Variants in TSPEAR observed in about 807,000 individuals in gnomAD.
TSPEAR encodes thrombospondin type laminin G domain and EAR repeats, also known as thrombospondin-type laminin G domain and EAR repeat-containing protein.
TSPEAR carries 69 observed loss-of-function variants against 71.6 expected under a neutral mutation model. The ratio of observed to expected loss-of-function variants is 0.96; its 90% CI spans 0.79 to 1.18. TSPEAR has a LOEUF of 1.18. Among genes scored for constraint, TSPEAR ranks in the 50% most tolerant of loss-of-function variants. The probability of loss-of-function intolerance (pLI) is 0.00; values close to 1 mark genes in which losing one functional copy is unlikely to be tolerated. For synonymous variants in TSPEAR, 402 were observed against 387.2 expected (o/e 1.04, Z -0.45); for missense variants, 971 against 894.9 (o/e 1.09, Z -1.09).
At chr21:44,671,390 A>C (rs782345543) in intron 1 of TSPEAR, among the ~76,000 whole-genome samples, 12 of 152,140 alleles carry the variant, frequency 7.9e-5, no homozygotes, top group Non-Finnish European at 1.8e-4. Context: ...GAGGCCCAAG[A>C]ATCAGCCTGC....
intron 2 of TSPEAR, among the ~76,000 whole-genome samples, chr21:44,565,863 T>C (rs1555921680): frequency 6.6e-6 from 1 of 152,188 alleles, no homozygotes; most frequent in African/African-American, 2.4e-5. Flanking sequence ...AGAAATTCAC[T>C]AAAAAGCTGC....
chr21:44,578,824 G>A (rs1008328615), intron 1 of TSPEAR, among the ~76,000 whole-genome samples: 11 of 152,102 alleles, frequency 7.2e-5, no homozygotes, highest in Middle Eastern at 3.2e-3. Flanking sequence ...CTCCAGTGTC[G>A]CCCATGTCAA....
At chr21:44,502,668 G>A (rs1409830839) in intron 11 of TSPEAR, among the ~76,000 whole-genome samples, 3 of 152,374 alleles carry the variant, frequency 2.0e-5, no homozygotes, top group South Asian at 2.1e-4. Context: ...GGCTACACCC[G>A]GGGCAGGGCC....
At chr21:44,507,303 GA>G (rs1451655359) in intron 10 of TSPEAR, among the ~76,000 whole-genome samples, 1 of 152,180 alleles carries the variant, frequency 6.6e-6, no homozygotes, top group Non-Finnish European at 1.5e-5. Flanking sequence ...TAGAACTACT[GA>G]ATCTAAAAAG....
intron 9 of TSPEAR, among the ~76,000 whole-genome samples, chr21:44,514,469 G>T (rs904259465): frequency 1.3e-5 from 2 of 152,208 alleles, no homozygotes; most frequent in South Asian, 4.1e-4. Flanking sequence ...GTGACGAGGG[G>T]TCCTTACTAA....
At chr21:44,627,804 G>GCA in intron 1 of TSPEAR, 3 of 1,604,914 alleles carry the variant, frequency 1.9e-6, no homozygotes, top group Non-Finnish European at 2.6e-6. Flanking sequence ...TGTGCTGCCA[G>GCA]CAGTCTGGCT....
chr21:44,548,496 C>T (rs587597766), intron 2 of TSPEAR, among the ~76,000 whole-genome samples: 9 of 152,158 alleles, frequency 5.9e-5, no homozygotes, highest in East Asian at 3.9e-4. Context: ...GAAGTGATGG[C>T]GGAGGAAGCC....
chr21:44,585,102 C>T (rs896580064), intron 1 of TSPEAR, among the ~76,000 whole-genome samples: 3 of 152,098 alleles, frequency 2.0e-5, no homozygotes, highest in Admixed American at 6.5e-5. Flanking sequence ...AAGAGGGGGT[C>T]GTGCTCCTTC....
Position 44,506,725 on chromosome 21 carries a change from G to A in TSPEAR, c.1755-1844C>T, listed in dbSNP as rs942844898. 3.3e-5 allele frequency: 5 copies of A among 152,232 alleles called. No homozygotes were observed. The highest frequency in any genetic ancestry group is 7.2e-5 in the African/African-American group (3 of 41,466). The allele number at this position is 152,232 out of a possible 1,614,324, so 9.4% of individuals were successfully genotyped here. ...GTCTGGAGGCACGGCCGCGGGCCCCGGGTCAGTGTGAATCCGCGGGGTTAC... is the reference window on the plus strand; with the variant it reads ...GTCTGGAGGCACGGCCGCGGGCCCCAGGTCAGTGTGAATCCGCGGGGTTAC... On this transcript the variant is annotated intron_variant, in intron 10 of 11. Coordinates refer to ENST00000323084, the MANE Select transcript of TSPEAR (RefSeq NM_144991.3). This position sits in a 1 kb window ranked among gnomAD's most constrained non-coding sequence, Gnocchi z 4.2.
chr21:44,504,944 G>T, intron 10 of TSPEAR, 63 bp from the exon 11 acceptor site: 1 of 1,365,416 alleles, frequency 7.3e-7, no homozygotes, highest in Non-Finnish European at 1.0e-6. Context: ...TGGGGGATTG[G>T]CCAGAAGCTA....
At chr21:44,618,426 A>G (rs1408706758) in intron 1 of TSPEAR, among the ~76,000 whole-genome samples, 1 of 152,204 alleles carries the variant, frequency 6.6e-6, no homozygotes, top group Non-Finnish European at 1.5e-5. Flanking sequence ...AGTGTGAAAA[A>G]GGACTAATAC....
intron 2 of TSPEAR, among the ~76,000 whole-genome samples, chr21:44,560,840 C>A (rs587718147): frequency 6.6e-6 from 1 of 152,206 alleles, no homozygotes; most frequent in East Asian, 1.9e-4. Flanking sequence ...GCAGTGTTAA[C>A]AGGGAAATTT....
In TSPEAR at chr21:44,531,147, A is replaced by T. The variant is rs1555915732; in HGVS notation, c.543-14T>A. ...ACATCGGCCATTCTGAAAATATCAA[A>T]GGACTGTGTTAGGGCCATAGGAGAG... On this transcript the variant is annotated splice_polypyrimidine_tract_variant and intron_variant, in intron 3 of 11. Coordinates refer to ENST00000323084, the MANE Select transcript of TSPEAR (RefSeq NM_144991.3). 1 of 1,611,072 alleles carries T rather than the reference A, an allele frequency of 6.2e-7. No individual in the cohort carries two copies. Among genetic ancestry groups the T allele is most frequent in the African/African-American group, 1.3e-5 (1 of 74,896 alleles).
rs1305253522 is a variant in TSPEAR, at chr21:44,710,293, TC to T, written c.82+1139del. Among the ~76,000 whole-genome samples, 1 of 152,148 alleles carries T rather than the reference TC, an allele frequency of 6.6e-6. No individual in the cohort carries two copies. The highest frequency in any genetic ancestry group is 1.5e-5 in the Non-Finnish European group (1 of 68,014). On this transcript the variant is annotated intron_variant, in intron 1 of 11. Transcript: ENST00000323084. The surrounding 1 kb of genome is among the most constrained non-coding windows in gnomAD (Gnocchi z 4.6). ...CAGCTGTGCGGGAGCTTCAGTCCTG[TC>T]CCCAACACCCAGGCAGTAATGGTTC... is the stretch of plus-strand genomic sequence containing the variant.
chr21:44,557,895 G>A, intron 2 of TSPEAR: 1 of 875,190 alleles, frequency 1.1e-6, no homozygotes, highest in Non-Finnish European at 1.7e-6. Context: ...TGGGAGAGAT[G>A]CATGCCTGGA....
At chr21:44,512,907 G>A (rs1380982151) in intron 9 of TSPEAR, among the ~76,000 whole-genome samples, 1 of 152,096 alleles carries the variant, frequency 6.6e-6, no homozygotes, top group African/African-American at 2.4e-5. Flanking sequence ...AGACAGGCCT[G>A]GGGGGCCGGG....
chr21:44,518,108 GCTCT>G lies in TSPEAR; in HGVS notation c.1566+3771_1566+3774del, dbSNP rs143477072. 256 of 355,636 alleles carry G rather than the reference GCTCT, an allele frequency of 7.2e-4. 1 individual carries two copies. The highest frequency in any genetic ancestry group is 1.6e-3 in the East Asian group (21 of 12,788). The allele number at this position is 355,636 out of a possible 1,614,324, so 22.0% of individuals were successfully genotyped here. ...CAGCAATTGCATTTTTAATGTCCAAGCTCTCTGTCTCATTAGTAGCATTTTTTAT... is the reference window on the plus strand; with the variant it reads ...CAGCAATTGCATTTTTAATGTCCAAGCTGTCTCATTAGTAGCATTTTTTAT... On this transcript the variant is annotated intron_variant, in intron 9 of 11. Transcript: ENST00000323084.
intron 1 of TSPEAR, chr21:44,574,612 G>A: frequency 7.7e-7 from 1 of 1,299,064 alleles, no homozygotes; most frequent in South Asian, 1.7e-5. Context: ...AAGCCTGTCT[G>A]CTCTGTGCCC....
At chr21:44,670,631 C>T (rs899601426) in intron 1 of TSPEAR, among the ~76,000 whole-genome samples, 1 of 152,164 alleles carries the variant, frequency 6.6e-6, no homozygotes, top group Non-Finnish European at 1.5e-5. Flanking sequence ...ATGGGAGAGC[C>T]TCTTATTCTT....
Sources: allele counts gnomAD v4.1 joint callset (sites outside exome capture counted in the v4.1 genomes callset), GRCh38; gene constraint gnomAD v4.1.1; non-coding constraint Gnocchi (gnomAD v3.1); transcripts MANE v1.5; gene names NCBI Gene and HGNC (gene_info 2026-07-23, HGNC 2026-07-21).